Variants in ARHGAP28 observed in about 807,000 individuals in gnomAD.
The protein encoded by ARHGAP28 is Rho GTPase activating protein 28.
A neutral mutation model predicts 90.7 loss-of-function variants in ARHGAP28; 56 were observed. The ratio of observed to expected loss-of-function variants is 0.62; its 90% confidence interval spans 0.50 to 0.77. The LOEUF is 0.77. Ranked by LOEUF, ARHGAP28 falls within the 30% of genes least tolerant of loss-of-function variation. ARHGAP28 has a pLI of 0.00. For missense variants in ARHGAP28, 869 were observed against 900.9 expected (o/e 0.96, Z 0.45); for synonymous variants, 308 against 323.3 (o/e 0.95, Z 0.51).
chr18:6,800,807 A>G (rs1476725722), intron 1 of ARHGAP28, among the ~76,000 whole-genome samples: 1 of 152,216 alleles, frequency 6.6e-6, no homozygotes, highest in Non-Finnish European at 1.5e-5. Context: ...GTGTACACCT[A>G]TGTAACAAAC....
intron 1 of ARHGAP28, among the ~76,000 whole-genome samples, chr18:6,787,077 G>A (rs573254063): frequency 5.3e-5 from 8 of 151,920 alleles, no homozygotes; most frequent in African/African-American, 1.9e-4. Flanking sequence ...AAAATTAGCC[G>A]GGCGTGGTGG....
Position 6,734,087 on chromosome 18 carries a change from A to G in ARHGAP28, c.122+4144A>G, listed in dbSNP as rs116077800. Among the ~76,000 whole-genome samples, 735 of 152,356 alleles carry G rather than the reference A, an allele frequency of 4.8e-3. 5 individuals are homozygous for G. Among genetic ancestry groups the G allele is most frequent in the African/African-American group, 0.015 (604 of 41,582 alleles). On this transcript the variant is annotated intron_variant, in intron 1 of 17. Coordinates refer to ENST00000383472, the MANE Select transcript of ARHGAP28 (RefSeq NM_001366230.1). ...CTAATTCTTTATTTCACAAAATTGT[A>G]TATCCACATCCTATTGTAAAGGAAG...
intron 1 of ARHGAP28, among the ~76,000 whole-genome samples, chr18:6,808,492 C>T (rs1217312631): frequency 6.6e-6 from 1 of 151,892 alleles, no homozygotes; most frequent in Non-Finnish European, 1.5e-5. Context: ...TGGAAGTTGT[C>T]AATTTCAAGT....
chr18:6,816,866 T>C (rs990957126), intron 1 of ARHGAP28, among the ~76,000 whole-genome samples: 2 of 150,714 alleles, frequency 1.3e-5, no homozygotes, highest in African/African-American at 4.9e-5. Flanking sequence ...GGCAGGAGAG[T>C]CGCTTGAGCT....
At chr18:6,750,505 C>G (rs1360076941) in intron 1 of ARHGAP28, among the ~76,000 whole-genome samples, 1 of 152,128 alleles carries the variant, frequency 6.6e-6, no homozygotes, top group African/African-American at 2.4e-5. Flanking sequence ...TAGTCTGTTT[C>G]CTGTTTCTAT....
chr18:6,838,734 A>G (rs374965849), intron 3 of ARHGAP28, among the ~76,000 whole-genome samples: 3 of 152,318 alleles, frequency 2.0e-5, no homozygotes, highest in African/African-American at 4.8e-5. Context: ...ATATATAATG[A>G]TATAACTTAT....
chr18:6,820,302 A>G (rs920408437), intron 1 of ARHGAP28, among the ~76,000 whole-genome samples: 2 of 152,264 alleles, frequency 1.3e-5, no homozygotes, highest in African/African-American at 4.8e-5. Flanking sequence ...TTGGAAGACT[A>G]AGCTGACTGA....
chr18:6,885,009 C>T (rs1430773677), intron 11 of ARHGAP28, among the ~76,000 whole-genome samples: 5 of 152,166 alleles, frequency 3.3e-5, no homozygotes, highest in African/African-American at 4.8e-5. Context: ...AAGACCTAAT[C>T]GGTATGACTT....
chr18:6,744,520 C>A (rs1225899621), intron 1 of ARHGAP28, among the ~76,000 whole-genome samples: 2 of 152,010 alleles, frequency 1.3e-5, no homozygotes, highest in African/African-American at 2.4e-5. Flanking sequence ...CATTTTTAGA[C>A]CTGTGCTAAT....
At position 6,874,304 on chromosome 18, in the gene ARHGAP28, G is replaced by A. The variant is rs72890678; in HGVS notation, c.1212+529G>A. ...AACCAGCATGTTCCAGTCATTTTCC[G>A]GTGTGTCTGGGCAGATAGGATACAT... is the stretch of plus-strand genomic sequence containing the variant. On this transcript the variant is annotated intron_variant, in intron 9 of 17. Coordinates refer to ENST00000383472, the MANE Select transcript of ARHGAP28 (RefSeq NM_001366230.1). Among the ~76,000 whole-genome samples, 717 of 152,242 alleles carry A rather than the reference G, an allele frequency of 4.7e-3. 2 individuals are homozygous for A. The highest frequency in any genetic ancestry group is 8.0e-3 in the Non-Finnish European group (547 of 68,020).
chr18:6,758,262 C>A (rs548636534), intron 1 of ARHGAP28, among the ~76,000 whole-genome samples: 1 of 151,824 alleles, frequency 6.6e-6, no homozygotes, highest in South Asian at 2.1e-4. Flanking sequence ...TGTTAAAAGC[C>A]GTAAAGCATA....
intron 3 of ARHGAP28, 111 bp downstream of exon 3, chr18:6,837,525 T>C (rs1198416530): frequency 1.2e-6 from 1 of 820,158 alleles, no homozygotes; most frequent in Non-Finnish European, 1.9e-6. Context: ...GTGGTTCCAT[T>C]CTAACTTTTT....
At chr18:6,737,060 A>G (rs998902070) in intron 1 of ARHGAP28, among the ~76,000 whole-genome samples, 4 of 152,144 alleles carry the variant, frequency 2.6e-5, no homozygotes, top group African/African-American at 9.7e-5. Context: ...TCTCAACCAT[A>G]TGGTCTCTAG....
chr18:6,886,346 G>A (rs2057220918), intron 11 of ARHGAP28, among the ~76,000 whole-genome samples: 1 of 152,112 alleles, frequency 6.6e-6, no homozygotes, highest in Non-Finnish European at 1.5e-5. Context: ...ATTCTCTGGT[G>A]TATTCTAAAT....
chr18:6,747,403 A>G (rs1048674733), intron 1 of ARHGAP28, among the ~76,000 whole-genome samples: 4 of 152,132 alleles, frequency 2.6e-5, no homozygotes, highest in African/African-American at 9.7e-5. Context: ...GGAAGTAGTG[A>G]TAGTTTTTGT....
At chr18:6,732,980 G>GA (rs916485222) in intron 1 of ARHGAP28, among the ~76,000 whole-genome samples, 2 of 149,762 alleles carry the variant, frequency 1.3e-5, no homozygotes, top group Non-Finnish European at 3.0e-5. Context: ...TGTTTGTCAA[G>GA]AAAAAAAAAG....
rs556274413 is a variant in ARHGAP28 at position 6,847,887 on chromosome 18, C to T, written c.544-3147C>T. On this transcript the variant is annotated intron_variant, in intron 3 of 17. Transcript: ENST00000383472. ...TCTGCAAAGGGAAAGGTGCATGGAG[C>T]GAAGTCCAGGGAATCTACGCAAGCT... 9.2e-5 allele frequency among the ~76,000 whole-genome samples: 14 copies of T among 152,176 alleles called. No homozygotes were observed. The East Asian group carries it at 1.5e-3, about 17-fold the overall frequency.
chr18:6,903,691 C>T (rs182918022), intron 16 of ARHGAP28, among the ~76,000 whole-genome samples: 3 of 151,582 alleles, frequency 2.0e-5, no homozygotes, highest in South Asian at 2.1e-4. Flanking sequence ...ATTAGCTGAG[C>T]GTGGTGGTGG....
chr18:6,843,595 G>A (rs1192329577), intron 3 of ARHGAP28, among the ~76,000 whole-genome samples: 2 of 152,176 alleles, frequency 1.3e-5, no homozygotes, highest in African/African-American at 4.8e-5. Context: ...AGAACTGCAC[G>A]TTTAAAAAGA....
Sources: gnomAD v4.1 joint callset for allele counts (sites outside exome capture counted in the v4.1 genomes callset) on GRCh38, gnomAD v4.1.1 for gene constraint, MANE v1.5 for transcripts, NCBI Gene and HGNC (gene_info 2026-07-23, HGNC 2026-07-21) for gene names.